IL34: variants seen among roughly 807,000 people sequenced by gnomAD.
IL34 encodes interleukin-34.
A neutral mutation model predicts 25.3 loss-of-function variants in IL34; 17 were observed. That is an observed-to-expected ratio of 0.67 (90% CI 0.46 to 1.01). The LOEUF (loss-of-function observed/expected upper bound fraction) is 1.01, where lower values mean the gene tolerates loss of function less well. Among genes scored for constraint, IL34 ranks in the 50% least tolerant of loss-of-function variants. The pLI, the probability that IL34 is intolerant of heterozygous loss-of-function variation, is 0.00. For missense variants in IL34, 368 were observed against 312.9 expected (o/e 1.18, Z -1.33); for synonymous variants, 174 against 140.9 (o/e 1.23, Z -1.66).
At chr16:70,651,078 G>A (rs2052066391) in intron 1 of IL34, among the ~76,000 whole-genome samples, 1 of 152,170 alleles carries the variant, frequency 6.6e-6, no homozygotes, top group Non-Finnish European at 1.5e-5. Flanking sequence ...CGGATGTGGT[G>A]GCGCGCACCT....
chr16:70,638,782 A>G (rs939569246), intron 1 of IL34, among the ~76,000 whole-genome samples: 4 of 151,942 alleles, frequency 2.6e-5, no homozygotes, highest in African/African-American at 9.7e-5. Context: ...AGGTCTCTCT[A>G]TGTTGCCCAG....
chr16:70,653,812 T>G (rs2052142404), intron 1 of IL34, among the ~76,000 whole-genome samples: 1 of 152,248 alleles, frequency 6.6e-6, no homozygotes, highest in Non-Finnish European at 1.5e-5. Flanking sequence ...GGACTTAACC[T>G]TTATTCATAT....
rs3058045 is a variant in IL34, at chr16:70,602,583, A to ATGTGTGTGTGTG, written c.-401+22564_-401+22575dup. Among the ~76,000 whole-genome samples, 1,220 of 134,908 alleles carry ATGTGTGTGTGTG rather than the reference A, an allele frequency of 9.0e-3. 14 individuals carry two copies. The highest frequency in any genetic ancestry group is 0.028 in the African/African-American group (1,009 of 35,862). The allele number at this position is 134,908 out of a possible 152,430, so 88.5% of individuals were successfully genotyped here. ...GTGAGAATTCCTAGCTTTGGAATTG[A>ATGTGTGTGTGTG]TGTGTGTGTGTGTGTGTGTGTGTGT... On this transcript the variant is annotated intron_variant, in intron 1 of 6. Transcript: ENST00000429149.
chr16:70,607,515 C>G (rs1472618798), intron 1 of IL34, among the ~76,000 whole-genome samples: 3 of 152,206 alleles, frequency 2.0e-5, no homozygotes, highest in African/African-American at 4.8e-5. Context: ...TGGCTGGAAT[C>G]TCCAGCACAA....
At chr16:70,585,206 A>G (rs188811143) in intron 1 of IL34, among the ~76,000 whole-genome samples, 1 of 152,300 alleles carries the variant, frequency 6.6e-6, no homozygotes, top group Admixed American at 6.5e-5. Context: ...AATCATAATC[A>G]TACAATATTT....
In IL34 at chr16:70,660,462, T is replaced by TC; in HGVS notation, c.*281dup. 2 of 358,906 alleles carry TC rather than the reference T, an allele frequency of 5.6e-6. No homozygotes were observed. The highest frequency in any genetic ancestry group is 1.0e-5 in the Non-Finnish European group (2 of 200,330). 22.2% of individuals were successfully genotyped at this position (358,906 alleles called of 1,614,324 possible). ...GCTTCTCCTGGTGCTGCCCTCACTG[T>TC]CCCCCCGCCTAAAGGGGGTACTGAG... On this transcript the variant is annotated 3_prime_UTR_variant, in exon 6 of 6. Coordinates refer to ENST00000288098, the MANE Select transcript of IL34 (RefSeq NM_001393494.1).
chr16:70,606,749 G>A (rs1050120131), intron 1 of IL34, among the ~76,000 whole-genome samples: 1 of 151,854 alleles, frequency 6.6e-6, no homozygotes, highest in African/African-American at 2.4e-5. Flanking sequence ...CACCATGCCG[G>A]GCTAATTTTT....
At chr16:70,609,271 G>A (rs1267187396) in intron 1 of IL34, among the ~76,000 whole-genome samples, 2 of 152,018 alleles carry the variant, frequency 1.3e-5, no homozygotes, top group Admixed American at 6.6e-5. Flanking sequence ...TAGAGACGGG[G>A]TTTCGCCATG....
chr16:70,598,553 A>G (rs2050859109), intron 1 of IL34, among the ~76,000 whole-genome samples: 1 of 152,120 alleles, frequency 6.6e-6, no homozygotes, highest in African/African-American at 2.4e-5. Context: ...AGCCTGGCCA[A>G]CATGGTGAAA....
At chr16:70,647,068 T>A in intron 1 of IL34, 93 bp downstream of exon 1, 2 of 1,160,764 alleles carry the variant, frequency 1.7e-6, no homozygotes, top group South Asian at 4.2e-5. Context: ...GCATTCTTGC[T>A]GGTGAGAAGT....
At chr16:70,658,152 G>T (rs2052283118) in intron 4 of IL34, among the ~76,000 whole-genome samples, 1 of 152,166 alleles carries the variant, frequency 6.6e-6, no homozygotes, top group Non-Finnish European at 1.5e-5. Flanking sequence ...GGCCCAGCTT[G>T]TCGGGAGAAC....
intron 1 of IL34, among the ~76,000 whole-genome samples, chr16:70,633,203 G>C (rs1212069909): frequency 1.3e-5 from 2 of 151,642 alleles, no homozygotes; most frequent in African/African-American, 4.9e-5. Flanking sequence ...GAGCTCAAGT[G>C]ATCTGTCCTC....
intron 1 of IL34, among the ~76,000 whole-genome samples, chr16:70,622,958 C>G (rs533308675): frequency 1.3e-5 from 2 of 152,116 alleles, no homozygotes; most frequent in East Asian, 3.9e-4. Flanking sequence ...GCGGTCCTGG[C>G]TCTTGTATAA....
At chr16:70,638,342 G>T (rs1348663785) in intron 1 of IL34, among the ~76,000 whole-genome samples, 2 of 152,050 alleles carry the variant, frequency 1.3e-5, no homozygotes, top group Non-Finnish European at 2.9e-5. Flanking sequence ...AGCTAGGCAT[G>T]GTGGTGCACA....
intron 1 of IL34, among the ~76,000 whole-genome samples, chr16:70,586,894 G>T (rs2050701265): frequency 6.6e-6 from 1 of 152,236 alleles, no homozygotes; most frequent in South Asian, 2.1e-4. Context: ...TGATTCACCT[G>T]TGGCGGCCAC....
chr16:70,624,306 AG>A (rs1297716906), intron 1 of IL34, among the ~76,000 whole-genome samples: 2 of 152,042 alleles, frequency 1.3e-5, no homozygotes, highest in African/African-American at 4.8e-5. Context: ...GGCATTTGGA[AG>A]TTCTTGTGTG....
At chr16:70,654,482 G>T in intron 1 of IL34, 56 bp from the exon 2 acceptor site, 1 of 1,537,004 alleles carries the variant, frequency 6.5e-7, no homozygotes, top group South Asian at 1.3e-5. Flanking sequence ...GCGTGTTGTG[G>T]ACGGCGTGGA....
At chr16:70,590,766 C>T (rs1408213431) in intron 1 of IL34, among the ~76,000 whole-genome samples, 2 of 152,292 alleles carry the variant, frequency 1.3e-5, no homozygotes, top group Admixed American at 1.3e-4. Context: ...GATTCGAACC[C>T]AGGCAGTCCG....
At chr16:70,584,345 C>G (rs534240516) in intron 1 of IL34, among the ~76,000 whole-genome samples, 1 of 152,196 alleles carries the variant, frequency 6.6e-6, no homozygotes. Flanking sequence ...CATCCCAGCA[C>G]GCCTGGAAAA....
Sources: gnomAD v4.1 joint callset for allele counts (sites outside exome capture counted in the v4.1 genomes callset) on GRCh38, gnomAD v4.1.1 for gene constraint, MANE v1.5 for transcripts, NCBI Gene and HGNC (gene_info 2026-07-23, HGNC 2026-07-21) for gene names.